The following PCDHGB3 variants were observed in gnomAD, a reference collection of about 807,000 sequenced individuals.
PCDHGB3 encodes protocadherin gamma subfamily B, 3, also known as protocadherin gamma-B3.
In PCDHGB3, 40 loss-of-function variants were observed where a neutral mutation model predicts 59.2. The ratio of observed to expected loss-of-function variants is 0.68; its 90% CI spans 0.52 to 0.88. PCDHGB3 has a LOEUF of 0.88. PCDHGB3 is among the 40% of genes least tolerant of loss of function. The probability of loss-of-function intolerance (pLI) is 0.00; values close to 1 mark genes in which losing one functional copy is unlikely to be tolerated. For synonymous variants in PCDHGB3, 581 were observed against 503.6 expected (o/e 1.15, Z -2.06); for missense variants, 1,309 against 1,187.9 (o/e 1.10, Z -1.50).
intron 1 of PCDHGB3, chr5:141,413,929 C>T (rs2095693828): frequency 6.2e-7 from 1 of 1,613,342 alleles, no homozygotes; most frequent in South Asian, 1.1e-5. Context: ...GCCAGAATAC[C>T]GAGTGAGTGT....
At chr5:141,409,071 A>G in intron 1 of PCDHGB3, 4 of 1,613,996 alleles carry the variant, frequency 2.5e-6, no homozygotes, top group Non-Finnish European at 3.4e-6. Context: ...AGCACAAAAC[A>G]TATGTTCTCA....
intron 1 of PCDHGB3, chr5:141,410,392 T>C: frequency 6.2e-7 from 1 of 1,614,050 alleles, no homozygotes; most frequent in African/African-American, 1.3e-5. Flanking sequence ...TCCATCCTGG[T>C]CTCTGTGTCA....
chr5:141,477,184 C>T lies in PCDHGB3; in HGVS notation c.2416-17623C>T. On this transcript the variant is annotated intron_variant, in intron 1 of 3. Coordinates refer to ENST00000576222, the MANE Select transcript of PCDHGB3 (RefSeq NM_018924.5). The surrounding 1 kb of genome is among the most constrained non-coding windows in gnomAD (Gnocchi z 4.9). ...ACGCCCCGGAGATCACAGTCACCTC[C>T]GTGTACAGCCCAGTACCCGAGGATG... The T allele has an allele frequency of 3.7e-6, 6 of 1,614,178 alleles. No individual in the cohort carries two copies. Among genetic ancestry groups the T allele is most frequent in the Non-Finnish European group, 5.1e-6 (6 of 1,180,032 alleles).
At chr5:141,471,802 A>G (rs2154571076) in intron 1 of PCDHGB3, among the ~76,000 whole-genome samples, 1 of 152,362 alleles carries the variant, frequency 6.6e-6, no homozygotes, top group African/African-American at 2.4e-5. Context: ...TATAAAAGAC[A>G]TATAAAAGAC....
rs771759945 is a variant in PCDHGB3, at chr5:141,405,371, G to A, written c.2415+32562G>A. 49 of 1,598,874 alleles carry A rather than the reference G, an allele frequency of 3.1e-5. No individual in the cohort carries two copies. The highest frequency in any genetic ancestry group is 3.7e-5 in the Non-Finnish European group (43 of 1,176,096). ...GTTTCCTATAGAAGACACCCCTTTG[G>A]TTCCGGTGAGTTCATTTTTTTTCTT... On this transcript the variant is annotated intron_variant, in intron 1 of 3. Transcript: ENST00000576222.
rs374029933 is a variant in PCDHGB3 at position 141,372,329 on chromosome 5, T to G, written c.1935T>G (p.Thr645=). 4 of 1,613,738 alleles carry G rather than the reference T, an allele frequency of 2.5e-6. No homozygotes were observed. The highest frequency in any genetic ancestry group is 2.5e-6 in the Non-Finnish European group (3 of 1,179,898). The change falls in exon 1 of 4, where the codon ACT becomes ACG. Residue 645 remains threonine, a synonymous_variant. Coordinates refer to ENST00000576222, the MANE Select transcript of PCDHGB3 (RefSeq NM_018924.5). ...REAARQRLLV[T]VRDGGQQPLS... Reference sequence around the variant, plus strand: ...CCGCCCGCCAGCGCCTGCTGGTCACTGTGCGTGATGGAGGACAGCAGCCTC... The same window carrying G: ...CCGCCCGCCAGCGCCTGCTGGTCACGGTGCGTGATGGAGGACAGCAGCCTC...
Position 141,375,778 on chromosome 5 carries a change from C to G in PCDHGB3, c.2415+2969C>G. Reference sequence around the variant, plus strand: ...ACAATGCGCCCGAGATCCTGTACCCCGCCCTCCCCACAGACGGTTCCACTG... The same window carrying G: ...ACAATGCGCCCGAGATCCTGTACCCGGCCCTCCCCACAGACGGTTCCACTG... On this transcript the variant is annotated intron_variant, in intron 1 of 3. Coordinates refer to ENST00000576222, the MANE Select transcript of PCDHGB3 (RefSeq NM_018924.5). The G allele has an allele frequency of 1.9e-6, 3 of 1,614,242 alleles. No homozygotes were observed. The African/African-American group carries it at 4.0e-5, about 22-fold the overall frequency.
In PCDHGB3 at chr5:141,372,645, T is replaced by G. The variant is rs1317150065; in HGVS notation, c.2251T>G (p.Ser751Ala). Residue 751 changes from serine to alanine, a missense_variant, in exon 1 of 4, where the codon TCC becomes GCC. Coordinates refer to ENST00000576222, the MANE Select transcript of PCDHGB3 (RefSeq NM_018924.5). ...PTYSERTLPY[S>A]YNPCAASHSS... ...CTACAGCGAAAGGACTTTGCCTTATTCCTACAATCCGTGTGCTGCCTCACA... is the reference window on the plus strand; with the variant it reads ...CTACAGCGAAAGGACTTTGCCTTATGCCTACAATCCGTGTGCTGCCTCACA... The G allele has an allele frequency of 1.2e-6, 2 of 1,613,914 alleles. No homozygotes were observed. The highest frequency in any genetic ancestry group is 2.7e-5 in the African/African-American group (2 of 74,928).
chr5:141,375,759 C>A lies in PCDHGB3; in HGVS notation c.2415+2950C>A, dbSNP rs757946718. 3.7e-6 allele frequency: 6 copies of A among 1,614,126 alleles called. No individual in the cohort carries two copies. The African/African-American group carries it at 5.3e-5, about 14-fold the overall frequency. ...TTTGTGCTGGACCAGAATGACAATG[C>A]GCCCGAGATCCTGTACCCCGCCCTC... On this transcript the variant is annotated intron_variant, in intron 1 of 3. Coordinates refer to ENST00000576222, the MANE Select transcript of PCDHGB3 (RefSeq NM_018924.5).
chr5:141,510,272 TAAAA>T (rs546154379), intron 3 of PCDHGB3, among the ~76,000 whole-genome samples: 1 of 130,390 alleles, frequency 7.7e-6, no homozygotes, highest in East Asian at 2.2e-4. Context: ...GACTCCATCT[TAAAA>T]AAAAAAAAAA....
intron 1 of PCDHGB3, chr5:141,375,794 G>T (rs754100940): frequency 6.2e-7 from 1 of 1,614,170 alleles, no homozygotes; most frequent in Non-Finnish European, 8.5e-7. Context: ...CCCCACAGAC[G>T]GTTCCACTGG....
chr5:141,398,578 A>C (rs370163028), intron 1 of PCDHGB3: 29 of 1,613,942 alleles, frequency 1.8e-5, no homozygotes, highest in Admixed American at 3.3e-5. Context: ...GCCTGGCACA[A>C]GATTTATACT....
chr5:141,496,277 T>C (rs1484877198), intron 2 of PCDHGB3, among the ~76,000 whole-genome samples: 1 of 152,134 alleles, frequency 6.6e-6, no homozygotes, highest in Non-Finnish European at 1.5e-5. Context: ...AGACCTTCAG[T>C]TGGTCTGAGC....
At chr5:141,415,114 G>T in intron 1 of PCDHGB3, 5 of 1,613,648 alleles carry the variant, frequency 3.1e-6, no homozygotes, top group Non-Finnish European at 4.2e-6. Flanking sequence ...GCAAAGCCTC[G>T]TAGTGGCCGT....
At chr5:141,393,740 TGAA>T in intron 1 of PCDHGB3, 1 of 1,613,888 alleles carries the variant, frequency 6.2e-7, no homozygotes, top group Non-Finnish European at 8.5e-7. Context: ...GTCTAGATTA[TGAA>T]GAATGTTCAT....
chr5:141,421,751 C>T (rs751678934), intron 1 of PCDHGB3: 1 of 1,613,932 alleles, frequency 6.2e-7, no homozygotes, highest in South Asian at 1.1e-5. Context: ...CAGCTCAGCC[C>T]TAATAATTAC....
chr5:141,459,068 A>G (rs1278498678), intron 1 of PCDHGB3, among the ~76,000 whole-genome samples: 1 of 152,226 alleles, frequency 6.6e-6, no homozygotes, highest in African/African-American at 2.4e-5. Flanking sequence ...TATATAACAT[A>G]AAATTTGCCT....
At chr5:141,468,077 C>T (rs180732917) in intron 1 of PCDHGB3, among the ~76,000 whole-genome samples, 1 of 152,152 alleles carries the variant, frequency 6.6e-6, no homozygotes, top group East Asian at 1.9e-4. Flanking sequence ...GTAATCCCAG[C>T]ACTTTGGGAG....
In PCDHGB3 at chr5:141,422,435, A is replaced by G. The variant is rs199795822; in HGVS notation, c.2415+49626A>G. 7.8e-4 allele frequency: 1,254 copies of G among 1,609,700 alleles called. 7 individuals are homozygous for G. The highest frequency in any genetic ancestry group is 2.1e-3 in the South Asian group (193 of 90,090). Reference sequence around the variant, plus strand: ...TTAGAAAAGACTTATGGAAATTATTACAAATTGATAACAAGCAGAGTGCTG... The same window carrying G: ...TTAGAAAAGACTTATGGAAATTATTGCAAATTGATAACAAGCAGAGTGCTG... On this transcript the variant is annotated intron_variant, in intron 1 of 3. Transcript: ENST00000576222.
Sources: gnomAD v4.1 joint callset for allele counts (sites outside exome capture counted in the v4.1 genomes callset) on GRCh38, gnomAD v4.1.1 for gene constraint, Gnocchi (gnomAD v3.1) non-coding constraint, MANE v1.5 for transcripts, NCBI Gene and HGNC (gene_info 2026-07-23, HGNC 2026-07-21) for gene names.